The following MAF variants were observed in gnomAD, a reference collection of about 807,000 sequenced individuals.
The protein encoded by MAF is transcription factor Maf.
MAF carries 10 observed loss-of-function variants against 22.0 expected under a neutral mutation model. The observed-to-expected ratio is 0.45, with a 90% CI of 0.28 to 0.77. MAF has a LOEUF of 0.77. Among genes scored for constraint, MAF ranks in the 30% least tolerant of loss-of-function variants. The probability of loss-of-function intolerance (pLI) is 0.12; values close to 1 mark genes in which losing one functional copy is unlikely to be tolerated. For missense variants in MAF, 544 were observed against 548.4 expected, an observed-to-expected ratio of 0.99 and a Z score of 0.08; for synonymous variants, 337 against 255.8, an observed-to-expected ratio of 1.32 and a Z score of -3.03.
At chr16:79,447,808 C>T in the MAF span, among the ~76,000 whole-genome samples, 4 of 147,570 alleles carry the variant, frequency 2.7e-5, no homozygotes, top group South Asian at 2.2e-4. Flanking sequence ...GCAGGAGAAT[C>T]GCTTGAGCCC....
chr16:79,248,782 A>G, the MAF span, among the ~76,000 whole-genome samples: 1 of 135,980 alleles, frequency 7.4e-6, no homozygotes, highest in African/African-American at 2.7e-5. Flanking sequence ...AATTAACACA[A>G]TGTGTCCAAA....
At chr16:79,286,875 C>G in the MAF span, among the ~76,000 whole-genome samples, 1 of 152,204 alleles carries the variant, frequency 6.6e-6, no homozygotes, top group South Asian at 2.1e-4. Flanking sequence ...ATGCCTCTTC[C>G]CCGCCTCCTC....
At chr16:79,392,874 C>A in the MAF span, among the ~76,000 whole-genome samples, 1,649 of 152,264 alleles carry the variant, frequency 0.011, 31 homozygotes, top group African/African-American at 0.038. Context: ...CACTGCTGTA[C>A]GGCCCAAGTT....
At chr16:79,229,006 C>G in the MAF span, among the ~76,000 whole-genome samples, 1 of 151,820 alleles carries the variant, frequency 6.6e-6, no homozygotes, top group Non-Finnish European at 1.5e-5. Context: ...GAGCACAATT[C>G]TTCTTGGAGC....
At chr16:79,346,466 CA>C in the MAF span, among the ~76,000 whole-genome samples, 25 of 151,852 alleles carry the variant, frequency 1.6e-4, no homozygotes, top group Non-Finnish European at 3.4e-4. Flanking sequence ...ACTCTGAAAT[CA>C]GAAGAAAAAG....
chr16:79,269,944 C>T, the MAF span, among the ~76,000 whole-genome samples: 500 of 152,300 alleles, frequency 3.3e-3, 2 homozygotes, highest in African/African-American at 0.011. Flanking sequence ...GCTATGGAGA[C>T]GAACCTGGTC....
At chr16:79,360,912 G>C in the MAF span, among the ~76,000 whole-genome samples, 19 of 152,270 alleles carry the variant, frequency 1.2e-4, no homozygotes, top group South Asian at 3.9e-3. Context: ...CTAACTCCAT[G>C]TTCAGGGACT....
chr16:79,441,192 G>C, the MAF span, among the ~76,000 whole-genome samples: 1 of 152,156 alleles, frequency 6.6e-6, no homozygotes, highest in African/African-American at 2.4e-5. Context: ...CAATACTTCT[G>C]AATTATCCAT....
At chr16:79,321,656 T>C in the MAF span, among the ~76,000 whole-genome samples, 2 of 140,844 alleles carry the variant, frequency 1.4e-5, no homozygotes, top group African/African-American at 5.4e-5. Context: ...TTTTTTTTTT[T>C]TTTTTTTTTT....
At chr16:79,558,279 G>A in the MAF span, among the ~76,000 whole-genome samples, 1 of 152,030 alleles carries the variant, frequency 6.6e-6, no homozygotes, top group African/African-American at 2.4e-5. Flanking sequence ...TGGAAACTAT[G>A]AACTATAAAG....
chr16:79,572,279 A>G, the MAF span, among the ~76,000 whole-genome samples: 1 of 152,138 alleles, frequency 6.6e-6, no homozygotes, highest in Non-Finnish European at 1.5e-5. Flanking sequence ...GGGACGTGCC[A>G]GGCATTTTTG....
chr16:79,221,961 C>A, the MAF span, among the ~76,000 whole-genome samples: 5 of 152,056 alleles, frequency 3.3e-5, no homozygotes, highest in Non-Finnish European at 7.4e-5. Context: ...CCCTGGGACA[C>A]AGACAGAGAA....
At chr16:79,284,344 C>G in the MAF span, among the ~76,000 whole-genome samples, 1 of 152,206 alleles carries the variant, frequency 6.6e-6, no homozygotes, top group Admixed American at 6.5e-5. Flanking sequence ...CCACACCATC[C>G]AAAGGCAAAT....
chr16:79,588,741 C>A (rs1913012075), intron 1 of MAF, among the ~76,000 whole-genome samples: 1 of 152,128 alleles, frequency 6.6e-6, no homozygotes, highest in African/African-American at 2.4e-5. Flanking sequence ...GGATTACAAG[C>A]ATGAGCCACC....
At chr16:79,544,112 G>C in the MAF span, among the ~76,000 whole-genome samples, 1 of 151,996 alleles carries the variant, frequency 6.6e-6, no homozygotes, top group Admixed American at 6.5e-5. Context: ...CCAACAAGTG[G>C]TATGATATGG....
At chr16:79,300,271 T>C in the MAF span, among the ~76,000 whole-genome samples, 1 of 152,164 alleles carries the variant, frequency 6.6e-6, no homozygotes, top group South Asian at 2.1e-4. Context: ...AAGACCCTTA[T>C]CTTGACCAGG....
chr16:79,309,369 T>C, the MAF span, among the ~76,000 whole-genome samples: 1 of 152,228 alleles, frequency 6.6e-6, no homozygotes, highest in Admixed American at 6.5e-5. Context: ...CAGTTCTCTC[T>C]GGCCTCCCCA....
the MAF span, among the ~76,000 whole-genome samples, chr16:79,225,430 A>G: frequency 6.6e-6 from 1 of 152,192 alleles, no homozygotes; most frequent in Non-Finnish European, 1.5e-5. Flanking sequence ...CCTAGGCAAC[A>G]CCATCCAGGT....
chr16:79,460,903 C>T, the MAF span, among the ~76,000 whole-genome samples: 1 of 152,170 alleles, frequency 6.6e-6, no homozygotes, highest in Admixed American at 6.5e-5. Context: ...GATTTCACAA[C>T]ATAAAAACAT....
Sources: gnomAD v4.1 joint callset for allele counts (sites outside exome capture counted in the v4.1 genomes callset) on GRCh38, gnomAD v4.1.1 for gene constraint, MANE v1.5 for transcripts, NCBI Gene and HGNC (gene_info 2026-07-23, HGNC 2026-07-21) for gene names.